Variants in SLC39A11 observed in about 807,000 individuals in gnomAD.
SLC39A11 encodes zinc transporter ZIP11.
Under a neutral mutation model 36.1 loss-of-function variants are expected in SLC39A11, and 33 were observed. That is an observed-to-expected ratio of 0.91 (90% confidence interval 0.69 to 1.22). The LOEUF is 1.22. Ranked by LOEUF, SLC39A11 falls within the 50% of genes most tolerant of loss-of-function variation. SLC39A11 has a pLI of 0.00. For missense variants in SLC39A11, 432 were observed against 430.3 expected (o/e 1.00, Z -0.03); for synonymous variants, 166 against 170.3 (o/e 0.97, Z 0.20).
At chr17:72,967,428 T>A in intron 4 of SLC39A11, among the ~76,000 whole-genome samples, 1 of 112,200 alleles carries the variant, frequency 8.9e-6, no homozygotes, top group South Asian at 3.0e-4. Context: ...TTTCCTTTTA[T>A]CTAGAAGACC....
chr17:72,651,172 T>C (rs766267834), intron 7 of SLC39A11, among the ~76,000 whole-genome samples: 1 of 152,174 alleles, frequency 6.6e-6, no homozygotes, highest in Non-Finnish European at 1.5e-5. Context: ...ATGTGGTTCA[T>C]AGAATTAGTG....
chr17:72,649,788 T>C (rs1423509667), intron 7 of SLC39A11, among the ~76,000 whole-genome samples: 1 of 152,092 alleles, frequency 6.6e-6, no homozygotes, highest in Admixed American at 6.5e-5. Context: ...AGATGGGGTT[T>C]TACCATGTTG....
intron 4 of SLC39A11, among the ~76,000 whole-genome samples, chr17:73,010,810 C>G (rs2090466697): frequency 6.6e-6 from 1 of 152,120 alleles, no homozygotes; most frequent in African/African-American, 2.4e-5. Flanking sequence ...TTTGTAGGGC[C>G]AAAAAAGCGG....
chr17:73,073,357 T>C (rs2060222370), intron 3 of SLC39A11, among the ~76,000 whole-genome samples: 1 of 152,050 alleles, frequency 6.6e-6, no homozygotes, highest in South Asian at 2.1e-4. Context: ...AACCACGCTG[T>C]GAATAATGGT....
At chr17:72,828,929 TA>T (rs2078148119) in intron 6 of SLC39A11, among the ~76,000 whole-genome samples, 1 of 152,168 alleles carries the variant, frequency 6.6e-6, no homozygotes, top group African/African-American at 2.4e-5. Context: ...GTGGGGAGAT[TA>T]AAGACATTTA....
At chr17:72,943,226 T>C (rs1672289627) in intron 5 of SLC39A11, among the ~76,000 whole-genome samples, 1 of 152,118 alleles carries the variant, frequency 6.6e-6, no homozygotes. Context: ...AAGCTTGAGC[T>C]AGAAAGGAAA....
In SLC39A11 at chr17:72,993,256, A is replaced by G. The variant is rs376808226; in HGVS notation, c.306+38300T>C. 2.5e-4 allele frequency among the ~76,000 whole-genome samples: 38 copies of G among 152,336 alleles called. No individual in the cohort carries two copies. In the East Asian group the frequency reaches 6.6e-3, roughly 26 times the overall value. On this transcript the variant is annotated intron_variant, in intron 4 of 9. Transcript: ENST00000255559. ...AATTTGATTATTGTAAAGATTACAC[A>G]GGTGTACACATTTGTCAAAACACAC...
chr17:73,024,074 G>A (rs2058449547), intron 4 of SLC39A11, among the ~76,000 whole-genome samples: 2 of 152,198 alleles, frequency 1.3e-5, no homozygotes, highest in Non-Finnish European at 2.9e-5. Flanking sequence ...GGCAGCCCCA[G>A]CGAAATAATA....
chr17:72,955,760 A>G (rs2086215749), intron 4 of SLC39A11, among the ~76,000 whole-genome samples: 2 of 152,144 alleles, frequency 1.3e-5, no homozygotes, highest in South Asian at 4.1e-4. Context: ...CTCCAAAATA[A>G]GAGGGAAATG....
intron 7 of SLC39A11, among the ~76,000 whole-genome samples, chr17:72,698,900 G>A (rs576300415): frequency 3.9e-5 from 6 of 152,160 alleles, no homozygotes; most frequent in South Asian, 2.1e-4. Context: ...GCGTGATCTC[G>A]GCTCACTGCA....
intron 5 of SLC39A11, among the ~76,000 whole-genome samples, chr17:72,878,008 C>T (rs1200017401): frequency 1.5e-5 from 2 of 137,424 alleles, no homozygotes; most frequent in African/African-American, 5.4e-5. Context: ...CGTGATGTTC[C>T]CCTTCCTGGG....
chr17:72,889,494 G>A (rs2081613007), intron 5 of SLC39A11, among the ~76,000 whole-genome samples: 1 of 151,570 alleles, frequency 6.6e-6, no homozygotes, highest in South Asian at 2.1e-4. Context: ...CTGAGATCGT[G>A]CCACTGCACT....
chr17:72,882,757 A>G (rs1198670198), intron 5 of SLC39A11, among the ~76,000 whole-genome samples: 2 of 150,588 alleles, frequency 1.3e-5, no homozygotes, highest in African/African-American at 4.9e-5. Context: ...GCTTTTCTCA[A>G]TTAAACTCAC....
chr17:72,829,364 G>A (rs2078172366), intron 6 of SLC39A11, among the ~76,000 whole-genome samples: 1 of 151,358 alleles, frequency 6.6e-6, no homozygotes, highest in East Asian at 1.9e-4. Context: ...AAAAAAAAAG[G>A]CCCCCTCACA....
intron 5 of SLC39A11, among the ~76,000 whole-genome samples, chr17:72,895,797 A>C (rs2081998992): frequency 6.6e-6 from 1 of 152,082 alleles, no homozygotes; most frequent in Non-Finnish European, 1.5e-5. Flanking sequence ...TTTCAGCAAA[A>C]CTCTAGTTGA....
intron 5 of SLC39A11, among the ~76,000 whole-genome samples, chr17:72,923,342 A>T (rs1338645422): frequency 1.3e-5 from 2 of 152,168 alleles, no homozygotes; most frequent in East Asian, 3.9e-4. Flanking sequence ...GGTATGGCCA[A>T]TGTGGACTGG....
intron 7 of SLC39A11, among the ~76,000 whole-genome samples, chr17:72,718,664 G>A (rs2073515953): frequency 6.6e-6 from 1 of 152,178 alleles, no homozygotes; most frequent in Non-Finnish European, 1.5e-5. Context: ...AATCCTAGAG[G>A]AGTCAAATTC....
chr17:73,071,690 T>G (rs1007971621), intron 3 of SLC39A11, among the ~76,000 whole-genome samples: 1 of 152,222 alleles, frequency 6.6e-6, no homozygotes, highest in African/African-American at 2.4e-5. Flanking sequence ...ATTTTAGGCT[T>G]TGGGGCCACA....
At chr17:72,939,292 C>T (rs1388902560) in intron 5 of SLC39A11, among the ~76,000 whole-genome samples, 1 of 152,128 alleles carries the variant, frequency 6.6e-6, no homozygotes, top group African/African-American at 2.4e-5. Context: ...GAAACCCCAT[C>T]TTTACTAAAA....
Sources: allele counts gnomAD v4.1 joint callset (sites outside exome capture counted in the v4.1 genomes callset), GRCh38; gene constraint gnomAD v4.1.1; transcripts MANE v1.5; gene names NCBI Gene and HGNC (gene_info 2026-07-23, HGNC 2026-07-21).